COL24A1: variants seen among roughly 807,000 people sequenced by gnomAD.
The protein encoded by COL24A1 is collagen type XXIV alpha 1 chain, also known as collagen alpha-1(XXIV) chain.
COL24A1 carries 224 observed loss-of-function variants against 253.9 expected under a neutral mutation model. The observed-to-expected ratio is 0.88, with a 90% confidence interval of 0.79 to 0.99. The LOEUF (loss-of-function observed/expected upper bound fraction) is 0.99, where lower values mean the gene tolerates loss of function less well. COL24A1 is among the 50% of genes least tolerant of loss of function. The pLI is 0.00. For synonymous variants in COL24A1, 685 were observed against 673.7 expected (o/e 1.02, Z -0.26); for missense variants, 2,131 against 2,068.5 (o/e 1.03, Z -0.59).
intron 55 of COL24A1, among the ~76,000 whole-genome samples, chr1:85,759,713 T>C (rs962292961): frequency 5.9e-5 from 9 of 152,244 alleles, no homozygotes; most frequent in Non-Finnish European, 1.3e-4. Flanking sequence ...AGTGTATACA[T>C]ATTTTAATCC....
At chr1:85,941,915 A>T (rs1051096413) in intron 24 of COL24A1, among the ~76,000 whole-genome samples, 4 of 152,232 alleles carry the variant, frequency 2.6e-5, no homozygotes, top group Non-Finnish European at 5.9e-5. Context: ...CATACTGGGC[A>T]CATAGTAGGT....
At chr1:85,854,132 A>AT in intron 37 of COL24A1, among the ~76,000 whole-genome samples, 1 of 152,260 alleles carries the variant, frequency 6.6e-6, no homozygotes, top group African/African-American at 2.4e-5. Flanking sequence ...TCTTAAATTG[A>AT]TTTTTGCATG....
At chr1:85,788,434 G>A (rs1669921058) in intron 47 of COL24A1, among the ~76,000 whole-genome samples, 1 of 152,072 alleles carries the variant, frequency 6.6e-6, no homozygotes, top group African/African-American at 2.4e-5. Flanking sequence ...TTGTAAATTT[G>A]CTTAAGCTCC....
chr1:86,052,087 G>A (rs1396055528), intron 10 of COL24A1, among the ~76,000 whole-genome samples: 3 of 152,012 alleles, frequency 2.0e-5, no homozygotes, highest in Non-Finnish European at 4.4e-5. Flanking sequence ...GGGTGTGAGA[G>A]AAGAGTAGTT....
chr1:85,756,057 C>CAAAAAAAAAA (rs200030128), intron 55 of COL24A1, among the ~76,000 whole-genome samples: 4 of 95,822 alleles, frequency 4.2e-5, no homozygotes, highest in Non-Finnish European at 5.9e-5. Context: ...TACTAACAAC[C>CAAAAAAAAAA]AAAAAAAAAA....
In COL24A1 at chr1:85,734,880, G is replaced by A; in HGVS notation, c.4867C>T (p.Leu1623=). The change falls in exon 59 of 60, where the codon CTA becomes TTA. Residue 1623 remains leucine (L), a synonymous_variant. Transcript: ENST00000370571. ...EATHIITIHC[L]NTPRWTSTQT... ...GTGCTTGTCCACCTTGGGGTGTTTA[G>A]ACAGTGAATGGTGATGATATGGGTG... The A allele has an allele frequency of 6.2e-7, 1 of 1,614,204 alleles. No individual in the cohort carries two copies. Among genetic ancestry groups the A allele is most frequent in the Non-Finnish European group, 8.5e-7 (1 of 1,180,040 alleles).
chr1:85,846,670 C>A (rs1246511082), intron 39 of COL24A1, among the ~76,000 whole-genome samples: 2 of 151,848 alleles, frequency 1.3e-5, no homozygotes, highest in Non-Finnish European at 2.9e-5. Flanking sequence ...GATTGGCAAA[C>A]ATCAAAAGAA....
At chr1:86,112,742 T>C (rs1212840267) in intron 4 of COL24A1, 122 bp from the exon 5 acceptor site, 1 of 817,874 alleles carries the variant, frequency 1.2e-6, no homozygotes, top group Non-Finnish European at 1.9e-6. Flanking sequence ...CTTATGTTAT[T>C]ATGTATGCCT....
At chr1:85,847,535 G>T in intron 39 of COL24A1, 130 bp downstream of exon 39, 1 of 621,424 alleles carries the variant, frequency 1.6e-6, no homozygotes, top group South Asian at 2.4e-5. Context: ...ACATCCCATG[G>T]AGGTAGATTA....
intron 19 of COL24A1, among the ~76,000 whole-genome samples, chr1:85,990,532 C>G (rs1571501119): frequency 6.6e-6 from 1 of 152,326 alleles, no homozygotes; most frequent in East Asian, 1.9e-4. Flanking sequence ...TGCTTGCTCA[C>G]CTGCCACTCA....
intron 47 of COL24A1, among the ~76,000 whole-genome samples, chr1:85,788,961 T>C (rs1669993736): frequency 6.6e-6 from 1 of 152,182 alleles, no homozygotes; most frequent in African/African-American, 2.4e-5. Flanking sequence ...TTGGTTACTG[T>C]AGCTTTGTAG....
At chr1:86,082,428 T>C (rs1473656196) in intron 7 of COL24A1, among the ~76,000 whole-genome samples, 1 of 152,020 alleles carries the variant, frequency 6.6e-6, no homozygotes, top group Non-Finnish European at 1.5e-5. Flanking sequence ...GCAGTATCAT[T>C]AGGATAACTT....
At chr1:86,089,283 C>A (rs774908509) in intron 6 of COL24A1, 56 bp from the exon 7 acceptor site, 97 of 1,361,946 alleles carry the variant, frequency 7.1e-5, no homozygotes, top group Non-Finnish European at 9.7e-5. Context: ...AATTAGAATT[C>A]TCTTGAAAAT....
chr1:85,970,931 G>C (rs1204528563), intron 21 of COL24A1, among the ~76,000 whole-genome samples: 2 of 152,208 alleles, frequency 1.3e-5, no homozygotes, highest in African/African-American at 4.8e-5. Flanking sequence ...TTAACTTGAA[G>C]GCTGGGTGTA....
intron 19 of COL24A1, among the ~76,000 whole-genome samples, chr1:86,009,556 C>T (rs1230025252): frequency 6.6e-6 from 1 of 151,958 alleles, no homozygotes; most frequent in African/African-American, 2.4e-5. Flanking sequence ...GTATCTAAAT[C>T]TATATAAACA....
At chr1:86,153,910 G>A (rs955113620) in intron 1 of COL24A1, among the ~76,000 whole-genome samples, 92 of 152,148 alleles carry the variant, frequency 6.0e-4, no homozygotes, top group African/African-American at 2.0e-3. Context: ...ACAAATTCAC[G>A]TTAGGCAACC....
intron 55 of COL24A1, among the ~76,000 whole-genome samples, chr1:85,757,806 C>G (rs904207444): frequency 6.6e-6 from 1 of 152,096 alleles, no homozygotes; most frequent in Admixed American, 6.6e-5. Flanking sequence ...CCTGGGAAGT[C>G]ATTCAGTCAC....
intron 43 of COL24A1, among the ~76,000 whole-genome samples, chr1:85,826,823 G>C (rs1487145256): frequency 6.6e-6 from 1 of 152,076 alleles, no homozygotes; most frequent in Non-Finnish European, 1.5e-5. Context: ...AGGAGATTTT[G>C]GGCTGAGACA....
Position 85,821,733 on chromosome 1 carries a change from G to T in COL24A1, c.3789+1803C>A, listed in dbSNP as rs560584687. Reference sequence around the variant, plus strand: ...ACAGAATTTAAACTATGGCTTCTTAGCACCTTTTAGCTCCAACACGCAGGG... The same window carrying T: ...ACAGAATTTAAACTATGGCTTCTTATCACCTTTTAGCTCCAACACGCAGGG... On this transcript the variant is annotated intron_variant, in intron 45 of 59. Transcript: ENST00000370571. Among the ~76,000 whole-genome samples the T allele has an allele frequency of 4.9e-4, 75 of 152,252 alleles. 3 individuals carry two copies. In the South Asian group the frequency reaches 0.015, roughly 30 times the overall value.
Sources: allele counts gnomAD v4.1 joint callset (sites outside exome capture counted in the v4.1 genomes callset), GRCh38; gene constraint gnomAD v4.1.1; transcripts MANE v1.5; gene names NCBI Gene and HGNC (gene_info 2026-07-23, HGNC 2026-07-21).